LCLAT1: variants seen among roughly 807,000 people sequenced by gnomAD.
LCLAT1 encodes the protein lysocardiolipin acyltransferase 1.
Under a neutral mutation model 30.7 loss-of-function variants are expected in LCLAT1, and 11 were observed. That is an observed-to-expected ratio of 0.36 (90% CI 0.23 to 0.59). The LOEUF (loss-of-function observed/expected upper bound fraction) is 0.59, where lower values mean the gene tolerates loss of function less well. Ranked by LOEUF, LCLAT1 falls within the 20% of genes least tolerant of loss-of-function variation. LCLAT1 has a pLI of 0.77. For synonymous variants in LCLAT1, 155 were observed against 151.3 expected (o/e 1.02, Z -0.18); for missense variants, 402 against 458.6 (o/e 0.88, Z 1.13).
At chr2:30,544,335 CT>C (rs1176375187) in intron 3 of LCLAT1, among the ~76,000 whole-genome samples, 5 of 152,128 alleles carry the variant, frequency 3.3e-5, no homozygotes, top group Non-Finnish European at 1.5e-5. Context: ...TGCTTAAGGA[CT>C]TTTTTTCCTT....
intron 2 of LCLAT1, among the ~76,000 whole-genome samples, chr2:30,529,188 A>T (rs1290763271): frequency 3.9e-5 from 6 of 152,248 alleles, no homozygotes; most frequent in Non-Finnish European, 8.8e-5. Flanking sequence ...GCTTCACAAA[A>T]ATAGTCACAA....
At chr2:30,627,374 G>A (rs982513153) in intron 5 of LCLAT1, among the ~76,000 whole-genome samples, 2 of 151,976 alleles carry the variant, frequency 1.3e-5, no homozygotes, top group African/African-American at 2.4e-5. Context: ...TCCCAATAAC[G>A]AAACTTTCTT....
chr2:30,564,772 A>G (rs146541262), intron 4 of LCLAT1, among the ~76,000 whole-genome samples: 3 of 152,236 alleles, frequency 2.0e-5, no homozygotes, highest in African/African-American at 7.2e-5. Flanking sequence ...TGGGTTTTTC[A>G]GCCCAGTGAG....
At chr2:30,512,273 C>T (rs1684972502) in intron 1 of LCLAT1, among the ~76,000 whole-genome samples, 2 of 152,084 alleles carry the variant, frequency 1.3e-5, no homozygotes, top group Non-Finnish European at 2.9e-5. Flanking sequence ...AAATTAACCA[C>T]TGTATAATGT....
At chr2:30,489,868 G>A (rs576725712) in intron 1 of LCLAT1, among the ~76,000 whole-genome samples, 1 of 152,292 alleles carries the variant, frequency 6.6e-6, no homozygotes, top group Non-Finnish European at 1.5e-5. Context: ...CAAAAAACTG[G>A]TTACGCTCTT....
chr2:30,578,168 G>C (rs1193580785), intron 5 of LCLAT1, among the ~76,000 whole-genome samples: 1 of 152,064 alleles, frequency 6.6e-6, no homozygotes, highest in Non-Finnish European at 1.5e-5. Flanking sequence ...ATTTTGCATT[G>C]TATAAATGTA....
intron 1 of LCLAT1, among the ~76,000 whole-genome samples, chr2:30,460,158 G>C (rs185620622): frequency 6.6e-6 from 1 of 152,266 alleles, no homozygotes; most frequent in Non-Finnish European, 1.5e-5. Flanking sequence ...AAACAGTGAG[G>C]GTTTGGGGAG....
chr2:30,448,503 G>A (rs1295901224), intron 1 of LCLAT1, among the ~76,000 whole-genome samples: 8 of 152,188 alleles, frequency 5.3e-5, no homozygotes. Flanking sequence ...TTATGGAGTA[G>A]TACCTTGTTC....
intron 5 of LCLAT1, among the ~76,000 whole-genome samples, chr2:30,568,864 C>CAAAAAAAAAAAAAAAA (rs61325694): frequency 6.7e-5 from 6 of 89,112 alleles, no homozygotes; most frequent in Non-Finnish European, 1.1e-4. Context: ...TCATGAATAG[C>CAAAAAAAAAAAAAAAA]AAAAAAAAAA....
chr2:30,528,990 C>T (rs1685867381), intron 2 of LCLAT1, among the ~76,000 whole-genome samples: 2 of 152,236 alleles, frequency 1.3e-5, no homozygotes, highest in South Asian at 4.1e-4. Context: ...TTATCTCATA[C>T]TCGTACAAGG....
intron 4 of LCLAT1, among the ~76,000 whole-genome samples, chr2:30,562,830 C>G (rs1665301146): frequency 6.6e-6 from 1 of 152,138 alleles, no homozygotes; most frequent in Non-Finnish European, 1.5e-5. Context: ...TAGACCCTTC[C>G]TACTCCTCAG....
intron 5 of LCLAT1, among the ~76,000 whole-genome samples, chr2:30,594,376 C>A (rs964255684): frequency 6.6e-6 from 1 of 152,196 alleles, no homozygotes; most frequent in East Asian, 1.9e-4. Context: ...CACCTAGAGT[C>A]TCCTCCAAGC....
intron 5 of LCLAT1, among the ~76,000 whole-genome samples, chr2:30,605,725 A>G (rs1667404991): frequency 6.6e-6 from 1 of 152,198 alleles, no homozygotes; most frequent in Admixed American, 6.5e-5. Context: ...TTAGCAAATG[A>G]TCAGGATGAA....
At chr2:30,474,469 C>G (rs1431151673) in intron 1 of LCLAT1, among the ~76,000 whole-genome samples, 1 of 152,160 alleles carries the variant, frequency 6.6e-6, no homozygotes, top group African/African-American at 2.4e-5. Flanking sequence ...GTTGCCCAAG[C>G]TGGGCTTGAA....
At chr2:30,474,186 A>G (rs976994985) in intron 1 of LCLAT1, among the ~76,000 whole-genome samples, 25 of 152,236 alleles carry the variant, frequency 1.6e-4, no homozygotes, top group Non-Finnish European at 3.5e-4. Flanking sequence ...AGTGGAGACA[A>G]ACTGGTTTGT....
At chr2:30,604,065 A>G (rs1277039996) in intron 5 of LCLAT1, among the ~76,000 whole-genome samples, 1 of 131,466 alleles carries the variant, frequency 7.6e-6, no homozygotes, top group African/African-American at 2.7e-5. Flanking sequence ...TGATATAACT[A>G]TATTTGGACC....
intron 5 of LCLAT1, among the ~76,000 whole-genome samples, chr2:30,623,109 A>C (rs561817539): frequency 7.6e-6 from 1 of 131,746 alleles, no homozygotes; most frequent in African/African-American, 2.9e-5. Flanking sequence ...GCTAGAGTGC[A>C]GTGGCGTGCT....
intron 1 of LCLAT1, among the ~76,000 whole-genome samples, chr2:30,464,626 A>T (rs1045693821): frequency 3.9e-5 from 6 of 152,184 alleles, no homozygotes; most frequent in Admixed American, 1.3e-4. Flanking sequence ...ATTTGAGCAG[A>T]ATTTAACTCA....
intron 5 of LCLAT1, among the ~76,000 whole-genome samples, chr2:30,599,533 T>C (rs1667084944): frequency 6.6e-6 from 1 of 152,226 alleles, no homozygotes; most frequent in South Asian, 2.1e-4. Context: ...TTGTTAATTT[T>C]CTGTCTTGAT....
Sources: allele counts gnomAD v4.1 joint callset (sites outside exome capture counted in the v4.1 genomes callset), GRCh38; gene constraint gnomAD v4.1.1; transcripts MANE v1.5; gene names NCBI Gene and HGNC (gene_info 2026-07-23, HGNC 2026-07-21).